The following ITGB3BP variants were observed in gnomAD, a reference collection of about 807,000 sequenced individuals.
ITGB3BP encodes integrin subunit beta 3 binding protein.
In ITGB3BP, 27 loss-of-function variants were observed where a neutral mutation model predicts 29.1. The ratio of observed to expected loss-of-function variants is 0.93; its 90% CI spans 0.68 to 1.28. The LOEUF is 1.28. Among genes scored for constraint, ITGB3BP ranks in the 50% most tolerant of loss-of-function variants. ITGB3BP has a pLI of 0.00. For synonymous variants in ITGB3BP, 61 were observed against 61.4 expected (o/e 0.99, Z 0.03); for missense variants, 192 against 200.2 (o/e 0.96, Z 0.25).
rs1281488715 is a variant in ITGB3BP at position 63,446,824 on chromosome 1, T to C, written c.517A>G (p.Lys173Glu). 1 of 1,611,432 alleles carries C rather than the reference T, an allele frequency of 6.2e-7. No individual in the cohort carries two copies. Among genetic ancestry groups the C allele is most frequent in the Admixed American group, 1.7e-5 (1 of 59,910 alleles). Residue 173 changes from lysine to glutamate, a missense_variant, in exon 8 of 9, where the codon AAA becomes GAA. Transcript: ENST00000271002. ...ACAGTACCTCAGTTTAAAATGGCTT[T>C]AAGGAATTCATAGCTGTCAAGATGA... is the stretch of plus-strand genomic sequence containing the variant. ...SRHLDSYEFL[K>E]AILN
intron 8 of ITGB3BP, among the ~76,000 whole-genome samples, chr1:63,444,436 T>G (rs940709366): frequency 6.8e-6 from 1 of 147,312 alleles, no homozygotes; most frequent in Non-Finnish European, 1.5e-5. Context: ...ATATATAAGA[T>G]ATATATATCC....
At chr1:63,509,521 A>C (rs1646152469) in intron 1 of ITGB3BP, among the ~76,000 whole-genome samples, 1 of 152,222 alleles carries the variant, frequency 6.6e-6, no homozygotes, top group Non-Finnish European at 1.5e-5. Flanking sequence ...GATCTTAGAA[A>C]ATGACTATTC....
At chr1:63,472,051 A>G (rs1247842197) in intron 4 of ITGB3BP, among the ~76,000 whole-genome samples, 5 of 120,818 alleles carry the variant, frequency 4.1e-5, no homozygotes, top group African/African-American at 6.4e-5. Context: ...CCCAAAGTGA[A>G]TAACCTTTTT....
chr1:63,505,001 G>A (rs1570297362), intron 2 of ITGB3BP, among the ~76,000 whole-genome samples: 1 of 152,242 alleles, frequency 6.6e-6, no homozygotes, highest in Non-Finnish European at 1.5e-5. Context: ...GCCAGGCTTT[G>A]GTATCAGGAT....
intron 1 of ITGB3BP, among the ~76,000 whole-genome samples, chr1:63,515,518 A>C (rs893352850): frequency 6.6e-6 from 1 of 152,100 alleles, no homozygotes; most frequent in African/African-American, 2.4e-5. Context: ...CGTTTGCTTG[A>C]AGAACTAAAA....
chr1:63,463,328 C>T (rs1200609587), intron 4 of ITGB3BP, among the ~76,000 whole-genome samples: 1 of 147,670 alleles, frequency 6.8e-6, no homozygotes, highest in Non-Finnish European at 1.5e-5. Context: ...AACATAACTA[C>T]AGTGGTAGAT....
chr1:63,457,304 T>C (rs1206056650), intron 4 of ITGB3BP: 1 of 152,200 alleles, frequency 6.6e-6, no homozygotes, highest in Non-Finnish European at 1.5e-5. Flanking sequence ...GAGCAGATTT[T>C]GGGAGAAATA....
intron 3 of ITGB3BP, among the ~76,000 whole-genome samples, chr1:63,479,219 T>C (rs970344220): frequency 6.6e-6 from 1 of 152,128 alleles, no homozygotes; most frequent in African/African-American, 2.4e-5. Flanking sequence ...ATTTTTTTTC[T>C]CAAGTTAACA....
intron 1 of ITGB3BP, among the ~76,000 whole-genome samples, chr1:63,511,955 T>C (rs1395781582): frequency 6.6e-6 from 1 of 152,140 alleles, no homozygotes; most frequent in Non-Finnish European, 1.5e-5. Context: ...ATATATAATT[T>C]AGCACAATTT....
At chr1:63,515,890 T>C (rs928508176) in intron 1 of ITGB3BP, among the ~76,000 whole-genome samples, 2 of 133,712 alleles carry the variant, frequency 1.5e-5, no homozygotes, top group African/African-American at 2.8e-5. Context: ...TGGGTATCTA[T>C]CAAAGGAAAA....
chr1:63,482,753 A>G (rs975501387), intron 3 of ITGB3BP, among the ~76,000 whole-genome samples: 6 of 150,278 alleles, frequency 4.0e-5, no homozygotes, highest in Non-Finnish European at 8.8e-5. Flanking sequence ...TCCCGGGTTC[A>G]AGTGATTCTC....
intron 1 of ITGB3BP, among the ~76,000 whole-genome samples, chr1:63,511,359 G>A (rs1412267281): frequency 6.6e-6 from 1 of 152,118 alleles, no homozygotes; most frequent in Non-Finnish European, 1.5e-5. Context: ...ATGTAAAATG[G>A]TTTAGCAGCT....
intron 7 of ITGB3BP, among the ~76,000 whole-genome samples, chr1:63,453,318 G>A (rs956490227): frequency 2.6e-5 from 4 of 152,074 alleles, no homozygotes; most frequent in Non-Finnish European, 4.4e-5. Flanking sequence ...TTGCTAAATG[G>A]CATTCATGTA....
rs779044960 is a variant in ITGB3BP, at chr1:63,446,835, T to C, written c.506A>G (p.Tyr169Cys). 1.2e-5 allele frequency: 20 copies of C among 1,612,118 alleles called. No homozygotes were observed. Among genetic ancestry groups the C allele is most frequent in the Admixed American group, 1.7e-5 (1 of 59,924 alleles). The change falls in exon 8 of 9, where the codon TAT (tyrosine) becomes TGT (cysteine). Residue 169 changes from tyrosine to cysteine, a missense_variant. Transcript: ENST00000271002. ...PHKASRHLDS[Y>C]EFLKAILN ...GTTTAAAATGGCTTTAAGGAATTCA[T>C]AGCTGTCAAGATGACGTGATGCTAT...
intron 7 of ITGB3BP, among the ~76,000 whole-genome samples, chr1:63,452,711 AGT>A (rs1321239697): frequency 1.2e-4 from 18 of 151,680 alleles, no homozygotes; most frequent in Non-Finnish European, 2.4e-4. Flanking sequence ...TTGGCATCAC[AGT>A]AGACGTTAGT....
At chr1:63,452,914 G>A (rs1173090808) in intron 7 of ITGB3BP, among the ~76,000 whole-genome samples, 2 of 152,122 alleles carry the variant, frequency 1.3e-5, no homozygotes, top group East Asian at 3.9e-4. Flanking sequence ...TAACATACCA[G>A]ATTGGGTGAA....
intron 1 of ITGB3BP, chr1:63,510,137 C>T (rs1313148315): frequency 6.4e-6 from 4 of 624,462 alleles, no homozygotes; most frequent in South Asian, 1.8e-5. Context: ...TTGCAGTGAA[C>T]GGAAATCGTG....
intron 4 of ITGB3BP, among the ~76,000 whole-genome samples, chr1:63,467,748 T>A (rs1233337574): frequency 2.0e-5 from 3 of 152,196 alleles, no homozygotes; most frequent in Non-Finnish European, 4.4e-5. Flanking sequence ...ACAACTTATC[T>A]AATGGGTAGG....
At chr1:63,443,368 T>C (rs113164227) in intron 8 of ITGB3BP, among the ~76,000 whole-genome samples, 463 of 152,080 alleles carry the variant, frequency 3.0e-3, no homozygotes, top group African/African-American at 0.011. Flanking sequence ...GGGTAAAATT[T>C]TGACAATAAT....
Sources: gnomAD v4.1 joint callset for allele counts (sites outside exome capture counted in the v4.1 genomes callset) on GRCh38, gnomAD v4.1.1 for gene constraint, MANE v1.5 for transcripts, NCBI Gene and HGNC (gene_info 2026-07-23, HGNC 2026-07-21) for gene names.